SMC1B: variants seen among roughly 807,000 people sequenced by gnomAD.
SMC1B encodes the protein structural maintenance of chromosomes protein 1B.
In SMC1B, 60 loss-of-function variants were observed where a neutral mutation model predicts 157.9. The observed-to-expected ratio is 0.38, with a 90% CI of 0.31 to 0.47. SMC1B has a LOEUF of 0.47. Ranked by LOEUF, SMC1B falls within the 20% of genes least tolerant of loss-of-function variation. The probability of loss-of-function intolerance (pLI) is 0.99; values close to 1 mark genes in which losing one functional copy is unlikely to be tolerated. For synonymous variants in SMC1B, 445 were observed against 483.0 expected (o/e 0.92, Z 1.03); for missense variants, 1,165 against 1,426.2 (o/e 0.82, Z 2.95).
At chr22:45,412,498 CTTTTTT>C (rs56894434) in intron 1 of SMC1B, among the ~76,000 whole-genome samples, 44 of 65,432 alleles carry the variant, frequency 6.7e-4, no homozygotes, top group African/African-American at 2.5e-3. Context: ...CGCGCCCAGC[CTTTTTT>C]TTTTTTTTTT....
At chr22:45,375,358 A>C (rs1238983659) in intron 12 of SMC1B, among the ~76,000 whole-genome samples, 1 of 152,104 alleles carries the variant, frequency 6.6e-6, no homozygotes, top group Non-Finnish European at 1.5e-5. Flanking sequence ...TATAAAACCA[A>C]ACTGTGCTCT....
At chr22:45,386,730 T>A in intron 11 of SMC1B, 137 bp downstream of exon 11, 1 of 665,590 alleles carries the variant, frequency 1.5e-6, no homozygotes, top group Non-Finnish European at 2.3e-6. Context: ...ATAACCACCT[T>A]AGGTTCTATG....
intron 18 of SMC1B, 54 bp from the exon 19 acceptor site, chr22:45,358,849 G>C: frequency 7.5e-7 from 1 of 1,332,900 alleles, no homozygotes; most frequent in Non-Finnish European, 1.1e-6. Flanking sequence ...GTCTTATATG[G>C]GAGTGGTTCA....
At chr22:45,404,705 C>A (rs1432896403) in intron 4 of SMC1B, among the ~76,000 whole-genome samples, 1 of 46,860 alleles carries the variant, frequency 2.1e-5, no homozygotes, top group Non-Finnish European at 3.4e-5. Context: ...AGCCCTGGCT[C>A]CCCCTCCTTT....
rs79900256 is a variant in SMC1B at position 45,367,462 on chromosome 22, G to A, written c.2420+2492C>T. ...AGGCTGGCTACAGGCTGGTGCCCAG[G>A]GGACCTATGGAACCTACCTCTGTGT... On this transcript the variant is annotated intron_variant, in intron 15 of 24. Transcript: ENST00000357450. Among the ~76,000 whole-genome samples, 435 of 152,204 alleles carry A rather than the reference G, an allele frequency of 2.9e-3. 2 individuals carry two copies. Among genetic ancestry groups the A allele is most frequent in the Non-Finnish European group, 4.3e-3 (289 of 67,986 alleles).
rs766164339 is a variant in SMC1B at position 45,370,006 on chromosome 22, G to A, written c.2368C>T (p.Arg790Cys). Residue 790 changes from arginine to cysteine, a missense_variant, in exon 15 of 25, where the codon CGT becomes TGT. Physicochemically the swap from Arg to Cys is radical, Grantham distance 180 (BLOSUM62 -3). Coordinates refer to ENST00000357450, the MANE Select transcript of SMC1B (RefSeq NM_148674.5). Reference protein sequence around the residue: ...FCEEIGVENIREFENKHVKRQ... With the variant: ...FCEEIGVENICEFENKHVKRQ... ...TTAACATGTTTGTTCTCAAATTCAC[G>A]AATATTTTCCACGCCAATTTCTTCA... 3.8e-6 allele frequency: 6 copies of A among 1,595,734 alleles called. No homozygotes were observed. Among genetic ancestry groups the A allele is most frequent in the Middle Eastern group, 1.7e-4 (1 of 6,006 alleles).
intron 23 of SMC1B, among the ~76,000 whole-genome samples, chr22:45,348,896 G>T (rs891661756): frequency 2.6e-5 from 4 of 151,750 alleles, no homozygotes; most frequent in African/African-American, 9.7e-5. Context: ...TAGGGACAAG[G>T]TCTCCTTATG....
chr22:45,388,995 AAAAAAAAAAG>A (rs2087024448), intron 10 of SMC1B, among the ~76,000 whole-genome samples: 1 of 148,108 alleles, frequency 6.8e-6, no homozygotes, highest in Admixed American at 6.6e-5. Flanking sequence ...TCAAAAAAAA[AAAAAAAAAAG>A]AAAAAGAAAA....
intron 12 of SMC1B, among the ~76,000 whole-genome samples, chr22:45,372,892 TTAG>T (rs2086848739): frequency 6.6e-6 from 1 of 152,074 alleles, no homozygotes; most frequent in Non-Finnish European, 1.5e-5. Flanking sequence ...TTTTGTATTA[TTAG>T]TAGAGACGGG....
In SMC1B at chr22:45,413,560, T is replaced by C. The variant is rs561300355; in HGVS notation, c.8A>G (p.His3Arg). 21 of 1,606,202 alleles carry C rather than the reference T, an allele frequency of 1.3e-5. No individual in the cohort carries two copies. In the African/African-American group the frequency reaches 2.3e-4, roughly 17 times the overall value. ...ATTTTCCACAAGCAGCAGCTCCAGG[T>C]GGGCCATGGCGCCGCCCTCCACGCC... Reference protein sequence around the residue: MAHLELLLVENFK... With the variant: MARLELLLVENFK... Residue 3 changes from histidine to arginine, a missense_variant, in exon 1 of 25, where the codon CAC becomes CGC. His to Arg is a conservative substitution (Grantham distance 29). Transcript: ENST00000357450.
chr22:45,350,254 C>CTT lies in SMC1B; in HGVS notation c.3426-459_3426-458dup, dbSNP rs66465413. On this transcript the variant is annotated intron_variant, in intron 22 of 24. Transcript: ENST00000357450. Reference sequence around the variant, plus strand: ...ATAATTCTAACCTGTCTCCTGAGTTCTTTTTTTTTTTTTTTAATTTTTTTT... The same window carrying CTT: ...ATAATTCTAACCTGTCTCCTGAGTTCTTTTTTTTTTTTTTTTTAATTTTTTTT... 3.7e-4 allele frequency among the ~76,000 whole-genome samples: 49 copies of CTT among 131,364 alleles called. 1 individual carries two copies. Among genetic ancestry groups the CTT allele is most frequent in the South Asian group, 1.4e-3 (6 of 4,152 alleles). 86.2% of individuals were successfully genotyped at this position (131,364 alleles called of 152,430 possible).
At position 45,363,110 on chromosome 22, in the gene SMC1B, A is replaced by G. The variant is rs531746420; in HGVS notation, c.2421-84T>C. 5.0e-6 allele frequency: 5 copies of G among 1,009,450 alleles called. No individual in the cohort carries two copies. In the South Asian group the frequency reaches 7.3e-5, roughly 15 times the overall value. 62.5% of individuals were successfully genotyped at this position (1,009,450 alleles called of 1,614,324 possible). A position where few individuals can be genotyped will look rare whatever the true frequency, so the allele number is the denominator to read the frequency against. Reference sequence around the variant, plus strand: ...TTCTTATGGGAAATTTCAAACAAATATAAAAGTAAAAGGAATACTATAATG... The same window carrying G: ...TTCTTATGGGAAATTTCAAACAAATGTAAAAGTAAAAGGAATACTATAATG... On this transcript the variant is annotated intron_variant, in intron 15 of 24. Coordinates refer to ENST00000357450, the MANE Select transcript of SMC1B (RefSeq NM_148674.5).
At chr22:45,396,551 A>C in intron 6 of SMC1B, 65 bp from the exon 7 acceptor site, 1 of 1,439,168 alleles carries the variant, frequency 6.9e-7, no homozygotes, top group Non-Finnish European at 9.5e-7. Context: ...ATTTCTTTGT[A>C]TGAAATCCTG....
chr22:45,412,700 G>A (rs1006752260), intron 1 of SMC1B, among the ~76,000 whole-genome samples: 21 of 152,004 alleles, frequency 1.4e-4, no homozygotes, highest in African/African-American at 4.6e-4. Flanking sequence ...AGAGACCTCC[G>A]CAGGTCCTCT....
At chr22:45,395,743 A>G (rs1211232768) in intron 7 of SMC1B, among the ~76,000 whole-genome samples, 1 of 152,112 alleles carries the variant, frequency 6.6e-6, no homozygotes, top group African/African-American at 2.4e-5. Context: ...TGTAATCCCA[A>G]CTACTCAGGA....
At chr22:45,405,730 C>T (rs1353242280) in intron 4 of SMC1B, among the ~76,000 whole-genome samples, 1 of 152,012 alleles carries the variant, frequency 6.6e-6, no homozygotes, top group Non-Finnish European at 1.5e-5. Context: ...TCATGGCCTC[C>T]TAGGAGGTTC....
chr22:45,345,535 T>A lies in SMC1B; in HGVS notation c.3530A>T (p.Gln1177Leu), dbSNP rs61737925. 1.9e-3 allele frequency: 3,064 copies of A among 1,613,784 alleles called. 53 individuals are homozygous for A. The African/African-American group carries it at 0.037, about 20-fold the overall frequency. Residue 1177 changes from glutamine to leucine, a missense_variant, in exon 24 of 25, where the codon CAG becomes CTG. By Grantham distance (113) the Gln-to-Leu change is moderately radical (BLOSUM62 -2). Transcript: ENST00000357450. ...SSYIKEQTQDQFQMIVISLKE... is the reference protein window; with the variant it reads ...SSYIKEQTQDLFQMIVISLKE... ...TAGGGAGATGACTATCATCTGAAAC[T>A]GGTCTTGAGTTTGCTCTTTGATGTA...
intron 2 of SMC1B, among the ~76,000 whole-genome samples, chr22:45,407,351 C>G (rs887378712): frequency 6.6e-6 from 1 of 152,168 alleles, no homozygotes; most frequent in East Asian, 1.9e-4. Flanking sequence ...TTTAACCTGA[C>G]AATATAAATT....
chr22:45,399,520 G>C (rs935829718), intron 5 of SMC1B, among the ~76,000 whole-genome samples, 167 bp from the exon 6 acceptor site: 2 of 152,102 alleles, frequency 1.3e-5, no homozygotes, highest in Admixed American at 6.5e-5. Flanking sequence ...TCAGGGGGAG[G>C]GATGAATAAA....
Sources: gnomAD v4.1 joint callset for allele counts (sites outside exome capture counted in the v4.1 genomes callset) on GRCh38, gnomAD v4.1.1 for gene constraint, MANE v1.5 for transcripts, NCBI Gene and HGNC (gene_info 2026-07-23, HGNC 2026-07-21) for gene names.